Variants in CZIB observed in about 807,000 individuals in gnomAD.
CZIB encodes the protein UPF0587 protein C1orf123.
CZIB carries 26 observed loss-of-function variants against 28.3 expected under a neutral mutation model. That is an observed-to-expected ratio of 0.92 (90% CI 0.67 to 1.27). The LOEUF (loss-of-function observed/expected upper bound fraction) is 1.27, where lower values mean the gene tolerates loss of function less well. Among genes scored for constraint, CZIB ranks in the 50% most tolerant of loss-of-function variants. CZIB has a pLI of 0.00. For synonymous variants in CZIB, 78 were observed against 71.1 expected, an observed-to-expected ratio of 1.10 and a Z score of -0.49; for missense variants, 179 against 197.3, an observed-to-expected ratio of 0.91 and a Z score of 0.56.
intron 1 of CZIB, 40 bp from the exon 2 acceptor site, chr1:53,220,384 G>C (rs751022994): frequency 1.2e-6 from 2 of 1,601,600 alleles, no homozygotes; most frequent in South Asian, 1.1e-5. Flanking sequence ...AGCCGTGCCT[G>C]CGCAGCCCCA....
chr1:53,217,948 C>T, intron 5 of CZIB: 1 of 561,632 alleles, frequency 1.8e-6, no homozygotes, highest in Non-Finnish European at 3.2e-6. Flanking sequence ...TCAGAGGTCC[C>T]CTGAGCTCTC....
rs1360459356 is a variant in CZIB, at chr1:53,214,481, G to C, written c.*178C>G. On this transcript the variant is annotated 3_prime_UTR_variant, in exon 8 of 8. Transcript: ENST00000294360. ...TCACCTTCATGCACCAGTGCAGCGT[G>C]AACAGGGGCTTTATTGATGGGGCTT... 5.1e-6 allele frequency: 3 copies of C among 591,280 alleles called. No homozygotes were observed. Among genetic ancestry groups the C allele is most frequent in the Non-Finnish European group, 9.0e-6 (3 of 331,890 alleles). The allele number at this position is 591,280 out of a possible 1,614,324, so 36.6% of individuals were successfully genotyped here. A position where few individuals can be genotyped will look rare whatever the true frequency, so the allele number is the denominator to read the frequency against.
intron 1 of CZIB, 90 bp from the exon 2 acceptor site, chr1:53,220,434 A>T (rs775675626): frequency 2.0e-5 from 31 of 1,572,498 alleles, no homozygotes; most frequent in Non-Finnish European, 2.6e-5. Flanking sequence ...CGTGGGTGCC[A>T]CAGGGAGACA....
intron 6 of CZIB, 100 bp from the exon 7 acceptor site, chr1:53,216,156 A>T (rs1205134682): frequency 8.9e-7 from 1 of 1,119,464 alleles, no homozygotes; most frequent in East Asian, 2.4e-5. Context: ...CACTTCTGGG[A>T]TGGAGGACAG....
rs777435864 is a variant in CZIB at position 53,216,013 on chromosome 1, C to T, written c.383G>A (p.Ser128Asn). The T allele has an allele frequency of 1.9e-6, 3 of 1,614,116 alleles. No homozygotes were observed. The highest frequency in any genetic ancestry group is 2.5e-6 in the Non-Finnish European group (3 of 1,179,968). The change falls in exon 7 of 8, where the codon AGT (serine) becomes AAT (asparagine). Residue 128 changes from serine (S) to asparagine (N), a missense_variant. Coordinates refer to ENST00000294360, the MANE Select transcript of CZIB (RefSeq NM_017887.3). ...AEGVESGTAF[S>N]DINLQEKDWT... is the part of the protein sequence containing the mutation. ...TACCTTCTCCTGCAGATTAATGTCA[C>T]TGAAGGCTGTCCCTGACTCCACACC...
chr1:53,218,588 G>A, intron 3 of CZIB, 93 bp from the exon 4 acceptor site: 1 of 1,288,620 alleles, frequency 7.8e-7, no homozygotes, highest in Non-Finnish European at 1.1e-6. Context: ...CACTTAAAGA[G>A]ACCAAGACCC....
At chr1:53,218,532 A>G in intron 3 of CZIB, 37 bp from the exon 4 acceptor site, 1 of 1,596,728 alleles carries the variant, frequency 6.3e-7, no homozygotes, top group Non-Finnish European at 8.6e-7. Context: ...GTCACATATG[A>G]ATTAGATGTA....
chr1:53,215,959 A>C (rs189937356), intron 7 of CZIB, 32 bp downstream of exon 7: 1 of 1,609,538 alleles, frequency 6.2e-7, no homozygotes, highest in Non-Finnish European at 8.5e-7. Flanking sequence ...CAGGTGCCCT[A>C]CAGTACCTCC....
At chr1:53,216,995 T>C (rs1243818487) in intron 5 of CZIB, 136 bp from the exon 6 acceptor site, 1 of 724,192 alleles carries the variant, frequency 1.4e-6, no homozygotes, top group East Asian at 2.6e-5. Flanking sequence ...CTCATCCCCT[T>C]CTTAGAGGAA....
At chr1:53,218,668 CTTGATT>C (rs1342602820) in intron 3 of CZIB, 173 bp from the exon 4 acceptor site, 1 of 816,248 alleles carries the variant, frequency 1.2e-6, no homozygotes, top group Non-Finnish European at 1.9e-6. Context: ...AGGGCTTCCC[CTTGATT>C]TTGAACTCTG....
rs79453977 is a variant in CZIB at position 53,218,327 on chromosome 1, C to G, written c.229+87G>C. ...GTCGGCATCTTAGGCCTGACTCCAC[C>G]CTCAGGTAACATGAGTCTACTTTCA... On this transcript the variant is annotated intron_variant, in intron 4 of 7. Coordinates refer to ENST00000294360, the MANE Select transcript of CZIB (RefSeq NM_017887.3). 2,611 of 1,579,958 alleles carry G rather than the reference C, an allele frequency of 1.7e-3. 27 individuals are homozygous for G. In the East Asian group the frequency reaches 0.028, roughly 17 times the overall value.
intron 5 of CZIB, 148 bp downstream of exon 5, chr1:53,218,024 T>TA (rs1354446021): frequency 1.2e-6 from 1 of 836,528 alleles, no homozygotes; most frequent in Non-Finnish European, 1.9e-6. Flanking sequence ...GTACAGTGGA[T>TA]AAATGACTGA....
intron 2 of CZIB, chr1:53,219,548 G>A (rs766064691): frequency 6.5e-6 from 1 of 153,176 alleles, no homozygotes; most frequent in African/African-American, 2.4e-5. Flanking sequence ...GTTCCCACAG[G>A]CCCTGTATGT....
intron 2 of CZIB, 139 bp from the exon 3 acceptor site, chr1:53,219,062 C>T (rs376691535): frequency 5.5e-6 from 4 of 721,888 alleles, no homozygotes; most frequent in Non-Finnish European, 2.5e-6. Context: ...ACACCTGCCC[C>T]AACAAGGACA....
intron 5 of CZIB, 114 bp from the exon 6 acceptor site, chr1:53,216,973 A>G: frequency 1.1e-6 from 1 of 882,174 alleles, no homozygotes; most frequent in Non-Finnish European, 1.9e-6. Flanking sequence ...CTAGTATGAG[A>G]CCCAGGAAGA....
At chr1:53,217,492 A>G (rs1246662596) in intron 5 of CZIB, 2 of 153,744 alleles carry the variant, frequency 1.3e-5, no homozygotes, top group South Asian at 2.0e-4. Context: ...CATGCCCTAC[A>G]TTCAGTCTCA....
Position 53,218,490 on chromosome 1 carries a change from ACT to A in CZIB, c.151_152del (p.Ser51CysfsTer38). The A allele has an allele frequency of 6.2e-7, 1 of 1,614,172 alleles. No homozygotes were observed. Among genetic ancestry groups the A allele is most frequent in the African/African-American group, 1.3e-5 (1 of 75,056 alleles). ...DKWQYIRLMD[S>X]VALKGGRGSA... is the part of the protein sequence containing the mutation. The stretch of plus-strand genomic sequence containing the variant: ...TGCCACGGCCCCCCTTCAGTGCCAC[ACT>A]GTCCTGGCAAAAAGCAAACAGAACT... On this transcript the variant is annotated frameshift_variant, in exon 4 of 8. Coordinates refer to ENST00000294360, the MANE Select transcript of CZIB (RefSeq NM_017887.3). LOFTEE classifies it high-confidence loss of function.
chr1:53,216,269 C>A (rs1161623099), intron 6 of CZIB, among the ~76,000 whole-genome samples: 1 of 152,158 alleles, frequency 6.6e-6, no homozygotes, highest in Non-Finnish European at 1.5e-5. Flanking sequence ...CAGCCTTGGA[C>A]CAGAAGGCAG....
At chr1:53,216,960 G>C in intron 5 of CZIB, 101 bp from the exon 6 acceptor site, 1 of 1,013,302 alleles carries the variant, frequency 9.9e-7, no homozygotes, top group Non-Finnish European at 1.6e-6. Flanking sequence ...TGCCCCTGGA[G>C]GCCTAGTATG....
Sources: allele counts gnomAD v4.1 joint callset (sites outside exome capture counted in the v4.1 genomes callset), GRCh38; gene constraint gnomAD v4.1.1; transcripts MANE v1.5; gene names NCBI Gene and HGNC (gene_info 2026-07-23, HGNC 2026-07-21).